The following PLD5 variants were observed in gnomAD, a reference collection of about 807,000 sequenced individuals.
PLD5 encodes phospholipase D family member 5, also known as inactive phospholipase D5.
A neutral mutation model predicts 61.1 loss-of-function variants in PLD5; 36 were observed. That is an observed-to-expected ratio of 0.59 (90% confidence interval 0.45 to 0.78). The LOEUF is 0.78. Ranked by LOEUF, PLD5 falls within the 30% of genes least tolerant of loss-of-function variation. The pLI, the probability that PLD5 is intolerant of heterozygous loss-of-function variation, is 0.00. For synonymous variants in PLD5, 243 were observed against 242.8 expected (o/e 1.00, Z -0.01); for missense variants, 515 against 644.4 (o/e 0.80, Z 2.17).
Position 242,411,669 on chromosome 1 carries a change from A to AT in PLD5, c.190-63428dup, listed in dbSNP as rs1370647498. Among the ~76,000 whole-genome samples the AT allele has an allele frequency of 1.4e-4, 22 of 152,266 alleles. 1 individual carries two copies. Among genetic ancestry groups the AT allele is most frequent in the African/African-American group, 4.3e-4 (18 of 41,542 alleles). On this transcript the variant is annotated intron_variant, in intron 1 of 9. Coordinates refer to ENST00000536534, the MANE Select transcript of PLD5 (RefSeq NM_001372062.1). ...GACCATTTGCAATGTTTTAATTGAA[A>AT]TTTTTTTGAGATAATTGTATTCACA...
At chr1:242,409,888 G>A (rs10926728) in intron 1 of PLD5, among the ~76,000 whole-genome samples, 60,781 of 152,058 alleles carry the variant, frequency 0.4, 12,690 homozygotes, top group African/African-American at 0.52. Context: ...GAATCGCCAT[G>A]TTTGGGTGGA....
chr1:242,211,053 GTGA>G (rs1370955831), intron 5 of PLD5, among the ~76,000 whole-genome samples: 1 of 152,214 alleles, frequency 6.6e-6, no homozygotes, highest in Non-Finnish European at 1.5e-5. Flanking sequence ...GAAGCAGAAA[GTGA>G]TGATAGAGAA....
chr1:242,163,669 T>TTTTGTGTCTCAAGAA, intron 5 of PLD5, among the ~76,000 whole-genome samples: 1 of 152,314 alleles, frequency 6.6e-6, no homozygotes, highest in East Asian at 1.9e-4. Context: ...TTCCCTGTCT[T>TTTTGTGTCTCAAGAA]TTTGTGTCTC....
intron 1 of PLD5, among the ~76,000 whole-genome samples, chr1:242,408,546 T>A (rs1372501505): frequency 8.5e-5 from 13 of 152,174 alleles, no homozygotes. Flanking sequence ...CTCATTGCTC[T>A]CTCGTTCCTG....
At chr1:242,391,027 T>TA (rs1258010800) in intron 1 of PLD5, among the ~76,000 whole-genome samples, 20 of 150,688 alleles carry the variant, frequency 1.3e-4, no homozygotes, top group South Asian at 6.3e-4. Context: ...CTGTCTCTAC[T>TA]AAAAAAAAAT....
At position 242,286,506 on chromosome 1, in the gene PLD5, T is replaced by C. The variant is rs1675033337; in HGVS notation, c.495+1856A>G. On this transcript the variant is annotated intron_variant, in intron 3 of 9. Transcript: ENST00000536534. Reference sequence around the variant, plus strand: ...AGAGACGGGAAACTGGGGGCTGCCATGGACCTGAATAAACACACTTAATGA... The same window carrying C: ...AGAGACGGGAAACTGGGGGCTGCCACGGACCTGAATAAACACACTTAATGA... 2.0e-5 allele frequency among the ~76,000 whole-genome samples: 3 copies of C among 152,272 alleles called. No homozygotes were observed. In the South Asian group the frequency reaches 6.2e-4, roughly 32 times the overall value.
rs1289944273 is a variant in PLD5 at position 242,086,494 on chromosome 1, T to C, written c.*3360A>G. 2.6e-5 allele frequency: 4 copies of C among 152,138 alleles called. No individual in the cohort carries two copies. In the East Asian group the frequency reaches 7.7e-4, roughly 29 times the overall value. 9.4% of individuals were successfully genotyped at this position (152,138 alleles called of 1,614,324 possible). On this transcript the variant is annotated 3_prime_UTR_variant, in exon 10 of 10. Transcript: ENST00000536534. ...TCTCCAATGGTTGGACAAGCAGAGA[T>C]TCAATTATTTGATAGGCTAGTGGCC...
chr1:242,183,144 G>T (rs7543508), intron 5 of PLD5, among the ~76,000 whole-genome samples: 3,765 of 152,190 alleles, frequency 0.025, 173 homozygotes, highest in African/African-American at 0.086. Flanking sequence ...TCTCCCACAG[G>T]CTTCTGAGGA....
intron 1 of PLD5, among the ~76,000 whole-genome samples, chr1:242,397,492 C>T (rs1375286143): frequency 6.9e-6 from 1 of 144,168 alleles, no homozygotes; most frequent in Non-Finnish European, 1.5e-5. Flanking sequence ...AGCAGCAAGC[C>T]GTAGAACCTG....
intron 5 of PLD5, among the ~76,000 whole-genome samples, chr1:242,202,264 G>A (rs1669031725): frequency 6.6e-6 from 1 of 152,080 alleles, no homozygotes. Flanking sequence ...AATATGGTGT[G>A]TGGCCAGGTC....
intron 1 of PLD5, among the ~76,000 whole-genome samples, chr1:242,455,297 T>G (rs965309253): frequency 6.6e-6 from 1 of 152,152 alleles, no homozygotes; most frequent in Non-Finnish European, 1.5e-5. Context: ...TTTTAACTAA[T>G]GACTTTCATC....
At chr1:242,504,873 G>A (rs1668671088) in intron 1 of PLD5, among the ~76,000 whole-genome samples, 1 of 152,040 alleles carries the variant, frequency 6.6e-6, no homozygotes, top group Middle Eastern at 3.2e-3. Flanking sequence ...TTAAAACTGG[G>A]GGCTGAGTGC....
intron 5 of PLD5, among the ~76,000 whole-genome samples, chr1:242,132,310 C>T (rs539611977): frequency 7.5e-5 from 11 of 146,854 alleles, no homozygotes; most frequent in Non-Finnish European, 1.5e-4. Flanking sequence ...CTGATGGATG[C>T]TGTTGTCATC....
intron 1 of PLD5, among the ~76,000 whole-genome samples, chr1:242,389,221 A>G (rs1662778208): frequency 6.6e-6 from 1 of 152,184 alleles, no homozygotes. Flanking sequence ...TTGTAAGTAA[A>G]TACTTTTCCT....
intron 1 of PLD5, among the ~76,000 whole-genome samples, chr1:242,405,461 T>C (rs917194831): frequency 6.6e-6 from 1 of 152,110 alleles, no homozygotes; most frequent in Non-Finnish European, 1.5e-5. Flanking sequence ...GCTCAAAATG[T>C]GAATAGTGTA....
chr1:242,301,467 C>T (rs552021004), intron 2 of PLD5, among the ~76,000 whole-genome samples: 2 of 152,082 alleles, frequency 1.3e-5, no homozygotes, highest in Admixed American at 6.5e-5. Context: ...ATCTCTGTCT[C>T]CCCCATTTGC....
At chr1:242,215,736 T>C (rs576813633) in intron 5 of PLD5, among the ~76,000 whole-genome samples, 4 of 152,184 alleles carry the variant, frequency 2.6e-5, no homozygotes, top group African/African-American at 7.2e-5. Flanking sequence ...CCCCAGACAA[T>C]GCACCTTCCT....
chr1:242,289,999 T>C (rs1258536731), intron 2 of PLD5, among the ~76,000 whole-genome samples: 3 of 150,270 alleles, frequency 2.0e-5, no homozygotes, highest in Non-Finnish European at 4.4e-5. Flanking sequence ...AATCAGCCTA[T>C]CATCACCCAA....
chr1:242,123,075 C>G (rs898662011), intron 6 of PLD5, among the ~76,000 whole-genome samples: 1 of 152,296 alleles, frequency 6.6e-6, no homozygotes, highest in South Asian at 2.1e-4. Context: ...TGGGTGGGGA[C>G]AGGGGACACT....
Sources: allele counts gnomAD v4.1 joint callset (sites outside exome capture counted in the v4.1 genomes callset), GRCh38; gene constraint gnomAD v4.1.1; transcripts MANE v1.5; gene names NCBI Gene and HGNC (gene_info 2026-07-23, HGNC 2026-07-21).